The following PALLD variants were observed in gnomAD, a reference collection of about 807,000 sequenced individuals.
PALLD encodes palladin.
PALLD carries 61 observed loss-of-function variants against 123.5 expected under a neutral mutation model. The observed-to-expected ratio is 0.49, with a 90% CI of 0.40 to 0.61. PALLD has a LOEUF of 0.61. Ranked by LOEUF, PALLD falls within the 20% of genes least tolerant of loss-of-function variation. PALLD has a pLI of 0.00. For synonymous variants in PALLD, 465 were observed against 496.4 expected, an observed-to-expected ratio of 0.94 and a Z score of 0.84; for missense variants, 1,273 against 1,377.0, an observed-to-expected ratio of 0.92 and a Z score of 1.20.
chr4:168,769,237 C>A (rs1019952902), intron 10 of PALLD, among the ~76,000 whole-genome samples: 2 of 152,206 alleles, frequency 1.3e-5, no homozygotes, highest in Non-Finnish European at 2.9e-5. Context: ...CAGATTTCCA[C>A]GCACACAATC....
At chr4:168,636,323 G>C (rs966447175) in intron 2 of PALLD, among the ~76,000 whole-genome samples, 1 of 152,070 alleles carries the variant, frequency 6.6e-6, no homozygotes, top group African/African-American at 2.4e-5. Flanking sequence ...CCCCATCCCT[G>C]CAAAAAATAA....
chr4:168,867,337 T>A (rs1326834431), intron 10 of PALLD, among the ~76,000 whole-genome samples: 1 of 152,162 alleles, frequency 6.6e-6, no homozygotes, highest in African/African-American at 2.4e-5. Context: ...TGAAATTATT[T>A]GGAAAAGGCC....
intron 2 of PALLD, among the ~76,000 whole-genome samples, chr4:168,584,217 T>TTG: frequency 1.1e-5 from 1 of 87,784 alleles, no homozygotes; most frequent in South Asian, 2.8e-4. Flanking sequence ...ACCATCAGGT[T>TTG]TTTTTTTTTT....
rs142584090 is a variant in PALLD, at chr4:168,672,507, G to A, written c.1087+4139G>A. Among the ~76,000 whole-genome samples the A allele has an allele frequency of 2.8e-3, 425 of 151,316 alleles. 15 individuals carry two copies. In the East Asian group the frequency reaches 0.069, roughly 24 times the overall value. ...GGAGTCTCGCTCTGTCACCCAGGCT[G>A]GAGTGCAGTGGCGCGATCTTGGCTC... On this transcript the variant is annotated intron_variant, in intron 3 of 21. Coordinates refer to ENST00000505667, the MANE Select transcript of PALLD (RefSeq NM_001166108.2).
chr4:168,590,481 T>A (rs1447153584), intron 2 of PALLD, among the ~76,000 whole-genome samples: 1 of 152,210 alleles, frequency 6.6e-6, no homozygotes, highest in Admixed American at 6.5e-5. Context: ...TAAAATATCA[T>A]CAGAAATTCA....
At chr4:168,755,101 C>G (rs13149186) in intron 10 of PALLD, among the ~76,000 whole-genome samples, 1 of 151,406 alleles carries the variant, frequency 6.6e-6, no homozygotes, top group Admixed American at 6.6e-5. Context: ...GGCGTGGTGG[C>G]GGGCGCCTGT....
At chr4:168,774,671 T>G (rs1258642771) in intron 10 of PALLD, among the ~76,000 whole-genome samples, 1 of 135,836 alleles carries the variant, frequency 7.4e-6, no homozygotes, top group Non-Finnish European at 1.5e-5. Flanking sequence ...GAGGTTGCAG[T>G]GAGCCGAGAT....
rs1289915386 is a variant in PALLD, at chr4:168,927,870, TGAAAA to T, written c.*1696_*1700del. 2 of 209,864 alleles carry T rather than the reference TGAAAA, an allele frequency of 9.5e-6. No individual in the cohort carries two copies. Among genetic ancestry groups the T allele is most frequent in the Non-Finnish European group, 1.9e-5 (2 of 103,076 alleles). The allele number at this position is 209,864 out of a possible 1,614,324, so 13.0% of individuals were successfully genotyped here. ...ATGAGGCTTTAATGGTACTTTGCTA[TGAAAA>T]GAAAACACTGTATTCCTTATGCAAA... On this transcript the variant is annotated 3_prime_UTR_variant, in exon 22 of 22. Coordinates refer to ENST00000505667, the MANE Select transcript of PALLD (RefSeq NM_001166108.2).
At chr4:168,925,682 TAAAA>T (rs201771137) in intron 21 of PALLD, among the ~76,000 whole-genome samples, 4 of 151,886 alleles carry the variant, frequency 2.6e-5, no homozygotes, top group African/African-American at 9.7e-5. Flanking sequence ...TCCATTGACA[TAAAA>T]AAAACACTAG....
intron 2 of PALLD, among the ~76,000 whole-genome samples, chr4:168,527,525 G>A (rs536120091): frequency 1.3e-5 from 2 of 150,882 alleles, no homozygotes; most frequent in South Asian, 2.1e-4. Context: ...TTGGGGTTCT[G>A]TACATCTTCA....
chr4:168,799,221 T>C (rs56099034), intron 10 of PALLD, among the ~76,000 whole-genome samples: 10,214 of 152,202 alleles, frequency 0.067, 1,158 homozygotes, highest in African/African-American at 0.23. Flanking sequence ...CTGTTACAGA[T>C]GCAAACTTTT....
At chr4:168,528,083 C>A (rs1179185293) in intron 2 of PALLD, among the ~76,000 whole-genome samples, 2 of 152,156 alleles carry the variant, frequency 1.3e-5, no homozygotes, top group Non-Finnish European at 2.9e-5. Flanking sequence ...TTTCATGAAA[C>A]CCTCCTTGCA....
At chr4:168,899,556 T>A (rs1416506816) in intron 14 of PALLD, among the ~76,000 whole-genome samples, 1 of 152,036 alleles carries the variant, frequency 6.6e-6, no homozygotes, top group Non-Finnish European at 1.5e-5. Flanking sequence ...GAAATAACCA[T>A]GAGGAGAGTT....
At chr4:168,702,205 C>T (rs1373517337) in intron 8 of PALLD, among the ~76,000 whole-genome samples, 1 of 151,782 alleles carries the variant, frequency 6.6e-6, no homozygotes, top group African/African-American at 2.4e-5. Flanking sequence ...AGAACATCAG[C>T]TCTAGAAAAA....
intron 10 of PALLD, among the ~76,000 whole-genome samples, chr4:168,774,945 A>T (rs547722108): frequency 6.6e-6 from 1 of 152,270 alleles, no homozygotes; most frequent in East Asian, 1.9e-4. Flanking sequence ...CAGCAGAATT[A>T]CTTTAAAATT....
At chr4:168,623,283 A>G (rs1774934423) in intron 2 of PALLD, among the ~76,000 whole-genome samples, 1 of 152,202 alleles carries the variant, frequency 6.6e-6, no homozygotes. Flanking sequence ...CTAAATAACT[A>G]TTCTAAACCT....
At chr4:168,781,319 AT>A (rs912806066) in intron 10 of PALLD, among the ~76,000 whole-genome samples, 33 of 152,146 alleles carry the variant, frequency 2.2e-4, no homozygotes, top group African/African-American at 8.0e-4. Flanking sequence ...CCTTCCCTGC[AT>A]TTTGGCCAGT....
intron 15 of PALLD, among the ~76,000 whole-genome samples, chr4:168,909,783 A>G (rs559762988): frequency 2.3e-4 from 35 of 152,316 alleles, no homozygotes; most frequent in Admixed American, 2.2e-3. Flanking sequence ...TGTCAAAAAT[A>G]GTATGTTCAG....
chr4:168,618,349 C>G (rs1034609219), intron 2 of PALLD, among the ~76,000 whole-genome samples: 2 of 152,156 alleles, frequency 1.3e-5, no homozygotes, highest in African/African-American at 4.8e-5. Flanking sequence ...ATGCTACATT[C>G]CTGGGGATAG....
Sources: gnomAD v4.1 joint callset for allele counts (sites outside exome capture counted in the v4.1 genomes callset) on GRCh38, gnomAD v4.1.1 for gene constraint, MANE v1.5 for transcripts, NCBI Gene and HGNC (gene_info 2026-07-23, HGNC 2026-07-21) for gene names.